The following SLC35F4 variants were observed in gnomAD, a reference collection of about 807,000 sequenced individuals.
The protein encoded by SLC35F4 is chromosome 14 open reading frame 36.
In SLC35F4, 24 loss-of-function variants were observed where a neutral mutation model predicts 44.2. That is an observed-to-expected ratio of 0.54 (90% CI 0.39 to 0.76). The LOEUF is 0.76. SLC35F4 is among the 30% of genes least tolerant of loss of function. The pLI, the probability that SLC35F4 is intolerant of heterozygous loss-of-function variation, is 0.00. For synonymous variants in SLC35F4, 238 were observed against 223.6 expected, an observed-to-expected ratio of 1.06 and a Z score of -0.57; for missense variants, 562 against 586.1, an observed-to-expected ratio of 0.96 and a Z score of 0.42.
intron 1 of SLC35F4, among the ~76,000 whole-genome samples, chr14:57,683,382 T>C (rs1392603290): frequency 6.6e-6 from 1 of 152,250 alleles, no homozygotes; most frequent in African/African-American, 2.4e-5. Flanking sequence ...GAAGACACTT[T>C]AAAAGCTGGG....
intron 1 of SLC35F4, among the ~76,000 whole-genome samples, chr14:57,789,045 T>C (rs2077843132): frequency 6.6e-6 from 1 of 152,096 alleles, no homozygotes. Flanking sequence ...ACTAAATGCC[T>C]ACATGAGAAA....
intron 1 of SLC35F4, among the ~76,000 whole-genome samples, chr14:57,713,702 A>G (rs2075866953): frequency 6.6e-6 from 1 of 152,214 alleles, no homozygotes. Flanking sequence ...TACCTTTGCC[A>G]GAGTCTAGCC....
intron 1 of SLC35F4, 48 bp downstream of exon 1, chr14:57,865,675 C>A: frequency 6.8e-7 from 1 of 1,465,944 alleles, no homozygotes; most frequent in African/African-American, 1.5e-5. Context: ...CCCCTGCGCG[C>A]CCACCTCCCT....
intron 1 of SLC35F4, among the ~76,000 whole-genome samples, chr14:57,850,833 T>C (rs1886492952): frequency 6.6e-6 from 1 of 152,224 alleles, no homozygotes; most frequent in Non-Finnish European, 1.5e-5. Context: ...TGAAACGGAT[T>C]CATCATTCTT....
intron 3 of SLC35F4, among the ~76,000 whole-genome samples, chr14:57,585,249 A>G (rs1344387004): frequency 2.6e-5 from 4 of 152,272 alleles, no homozygotes; most frequent in African/African-American, 9.6e-5. Flanking sequence ...CCGCATGATT[A>G]TCTCAATAGA....
intron 1 of SLC35F4, among the ~76,000 whole-genome samples, chr14:57,669,647 C>A (rs1213222020): frequency 6.6e-6 from 1 of 151,940 alleles, no homozygotes; most frequent in African/African-American, 2.4e-5. Context: ...TGATTTGCAT[C>A]TGTTGAACCA....
At chr14:57,815,273 A>T (rs11158179) in intron 1 of SLC35F4, among the ~76,000 whole-genome samples, 73,315 of 152,052 alleles carry the variant, frequency 0.48, 20,314 homozygotes, top group African/African-American at 0.75. Flanking sequence ...GACATCTCAA[A>T]TTAATTAGGG....
At chr14:57,721,614 A>T (rs1343251638) in intron 1 of SLC35F4, among the ~76,000 whole-genome samples, 1 of 152,236 alleles carries the variant, frequency 6.6e-6, no homozygotes, top group African/African-American at 2.4e-5. Context: ...ACAGCATCAC[A>T]AGGTGTCTAC....
chr14:57,750,732 T>TTTG (rs143731317), intron 1 of SLC35F4, among the ~76,000 whole-genome samples: 27,878 of 151,866 alleles, frequency 0.18, 2,861 homozygotes, highest in South Asian at 0.28. Flanking sequence ...ATTATTTGGG[T>TTTG]TTGTTGTTGT....
intron 1 of SLC35F4, among the ~76,000 whole-genome samples, chr14:57,717,243 A>T (rs2075967662): frequency 6.6e-6 from 1 of 152,200 alleles, no homozygotes; most frequent in Non-Finnish European, 1.5e-5. Context: ...GATATGACAT[A>T]CTAGAGCATA....
chr14:57,951,387 A>C (rs1304930366), intron 1 of SLC35F4, among the ~76,000 whole-genome samples: 1 of 152,074 alleles, frequency 6.6e-6, no homozygotes, highest in African/African-American at 2.4e-5. Context: ...AGCTAGCTGG[A>C]GTTTTTTTTC....
At chr14:57,633,407 TTC>T (rs2072876958) in intron 1 of SLC35F4, among the ~76,000 whole-genome samples, 1 of 152,192 alleles carries the variant, frequency 6.6e-6, no homozygotes, top group Non-Finnish European at 1.5e-5. Flanking sequence ...GTTGTCAGTG[TTC>T]TGATTTTGGC....
intron 1 of SLC35F4, among the ~76,000 whole-genome samples, chr14:57,857,094 G>A (rs1360012283): frequency 6.6e-6 from 1 of 151,856 alleles, no homozygotes; most frequent in Non-Finnish European, 1.5e-5. Context: ...CGGCCAACAT[G>A]GTGAAACCCC....
chr14:57,877,915 C>T (rs958345332), intron 1 of SLC35F4, among the ~76,000 whole-genome samples: 3 of 151,796 alleles, frequency 2.0e-5, no homozygotes, highest in Non-Finnish European at 4.4e-5. Flanking sequence ...GAACTCCTGA[C>T]CTCAGGTGAT....
At chr14:57,618,195 T>G (rs983992788) in intron 1 of SLC35F4, among the ~76,000 whole-genome samples, 5 of 152,212 alleles carry the variant, frequency 3.3e-5, no homozygotes, top group African/African-American at 1.2e-4. Flanking sequence ...TGAAAAGACC[T>G]ATTATGTATA....
intron 1 of SLC35F4, among the ~76,000 whole-genome samples, chr14:57,674,038 A>G (rs2181456): frequency 0.47 from 70,777 of 151,830 alleles, 17,099 homozygotes; most frequent in African/African-American, 0.6. Flanking sequence ...TAATTAGAGA[A>G]ATACATTTTT....
intron 1 of SLC35F4, among the ~76,000 whole-genome samples, chr14:57,915,290 G>A (rs1400528236): frequency 1.3e-5 from 2 of 152,208 alleles, no homozygotes; most frequent in South Asian, 2.1e-4. Context: ...TCTTTCAAGT[G>A]TCTTCAGGGC....
intron 1 of SLC35F4, among the ~76,000 whole-genome samples, chr14:57,601,178 G>GT (rs1230201980): frequency 1.6e-4 from 24 of 151,378 alleles, no homozygotes; most frequent in African/African-American, 5.3e-4. Flanking sequence ...TATTTTAAAA[G>GT]TTTTTTCAAG....
chr14:57,602,858 A>G (rs909931506), intron 1 of SLC35F4, among the ~76,000 whole-genome samples: 11 of 152,114 alleles, frequency 7.2e-5, no homozygotes, highest in African/African-American at 2.7e-4. Flanking sequence ...CAGACCCTGT[A>G]TCTCCCTCCA....
Sources: allele counts gnomAD v4.1 joint callset (sites outside exome capture counted in the v4.1 genomes callset), GRCh38; gene constraint gnomAD v4.1.1; transcripts MANE v1.5; gene names NCBI Gene and HGNC (gene_info 2026-07-23, HGNC 2026-07-21).